The following PITPNM2 variants were observed in gnomAD, a reference collection of about 807,000 sequenced individuals.
The protein encoded by PITPNM2 is phosphatidylinositol transfer protein membrane associated 2.
In PITPNM2, 35 loss-of-function variants were observed where a neutral mutation model predicts 132.2. The ratio of observed to expected loss-of-function variants is 0.26; its 90% CI spans 0.20 to 0.35. The LOEUF is 0.35. Among genes scored for constraint, PITPNM2 ranks in the 10% least tolerant of loss-of-function variants. PITPNM2 has a pLI of 1.00. For missense variants in PITPNM2, 1,332 were observed against 1,912.0 expected, an observed-to-expected ratio of 0.70 and a Z score of 5.66; for synonymous variants, 738 against 799.2, an observed-to-expected ratio of 0.92 and a Z score of 1.29.
chr12:123,098,535 C>G (rs2042469048), intron 2 of PITPNM2, among the ~76,000 whole-genome samples: 1 of 152,134 alleles, frequency 6.6e-6, no homozygotes, highest in Non-Finnish European at 1.5e-5. Context: ...GACTCTGTCT[C>G]TACAAAAAGA....
At chr12:123,085,065 GC>G (rs2042075077) in intron 2 of PITPNM2, among the ~76,000 whole-genome samples, 2 of 152,218 alleles carry the variant, frequency 1.3e-5, no homozygotes, top group Non-Finnish European at 2.9e-5. Context: ...GATGTCAGGT[GC>G]CCAAGCACAG....
rs2038848918 is a variant in PITPNM2 at position 123,004,688 on chromosome 12, G to A, written c.953-199C>T. On this transcript the variant is annotated intron_variant, in intron 7 of 25. Coordinates refer to ENST00000320201, the MANE Select transcript of PITPNM2 (RefSeq NM_020845.3). This position sits in a 1 kb window ranked among gnomAD's most constrained non-coding sequence, Gnocchi z 4.9. ...GCCTAGGCTCATCTCCTGTCCGCCT[G>A]GCACAAGGCAGTCATGTCCCGGGGA... 1.6e-6 allele frequency: 1 copy of A among 618,536 alleles called. No homozygotes were observed. The highest frequency in any genetic ancestry group is 2.9e-6 in the Non-Finnish European group (1 of 342,470). The allele number at this position is 618,536 out of a possible 1,614,324, so 38.3% of individuals were successfully genotyped here. A position where few individuals can be genotyped will look rare whatever the true frequency, so the allele number is the denominator to read the frequency against.
At position 122,994,268 on chromosome 12, in the gene PITPNM2, C is replaced by T. The variant is rs1192685686; in HGVS notation, c.2233+533G>A. The stretch of plus-strand genomic sequence containing the variant: ...TCTGGGAGTGTAACATGTGTTGCTA[C>T]TCTCAGGATTGTGTGGCTCCTGGAG... On this transcript the variant is annotated intron_variant, in intron 15 of 25. Transcript: ENST00000320201. This position sits in a 1 kb window ranked among gnomAD's most constrained non-coding sequence, Gnocchi z 5.4. 1.3e-5 allele frequency among the ~76,000 whole-genome samples: 2 copies of T among 152,244 alleles called. No homozygotes were observed. The highest frequency in any genetic ancestry group is 2.1e-4 in the South Asian group (1 of 4,834).
chr12:123,103,896 TTTTATTTA>T (rs113942958), intron 2 of PITPNM2, among the ~76,000 whole-genome samples: 3 of 149,928 alleles, frequency 2.0e-5, no homozygotes, highest in Non-Finnish European at 2.9e-5. Flanking sequence ...TATTTTGTTA[TTTTATTTA>T]TTTATTTATT....
At position 123,095,897 on chromosome 12, in the gene PITPNM2, C is replaced by A. The variant is rs961827378; in HGVS notation, c.-96+14488G>T. On this transcript the variant is annotated intron_variant, in intron 2 of 25. Transcript: ENST00000320201. The surrounding 1 kb of genome is among the most constrained non-coding windows in gnomAD (Gnocchi z 5.0). Reference sequence around the variant, plus strand: ...TGGGCTCCACGCCCCAGTGGCAGACCCCCCCAACCCCACTTCCACAAGGCT... The same window carrying A: ...TGGGCTCCACGCCCCAGTGGCAGACACCCCCAACCCCACTTCCACAAGGCT... Among the ~76,000 whole-genome samples, 3 of 152,220 alleles carry A rather than the reference C, an allele frequency of 2.0e-5. No individual in the cohort carries two copies. The highest frequency in any genetic ancestry group is 1.9e-4 in the East Asian group (1 of 5,190).
intron 2 of PITPNM2, among the ~76,000 whole-genome samples, chr12:123,094,427 C>T (rs1003289128): frequency 6.6e-6 from 1 of 152,230 alleles, no homozygotes; most frequent in African/African-American, 2.4e-5. Context: ...CCAGCCAAGG[C>T]CTGTGATCCT....
intron 3 of PITPNM2, among the ~76,000 whole-genome samples, chr12:123,017,799 A>G (rs972858384): frequency 1.3e-5 from 2 of 152,328 alleles, no homozygotes; most frequent in South Asian, 2.1e-4. Flanking sequence ...ATTTACATGG[A>G]AAGTACAGAA....
chr12:123,005,598 C>T lies in PITPNM2; in HGVS notation c.644-50G>A, dbSNP rs372290821. 7.7e-6 allele frequency: 12 copies of T among 1,565,460 alleles called. No individual in the cohort carries two copies. Among genetic ancestry groups the T allele is most frequent in the African/African-American group, 5.4e-5 (4 of 74,192 alleles). Reference sequence around the variant, plus strand: ...GGAGAGACGAGGGGAGGGAGGTCAGCGCAGGAGCCTGCACGGAAGTGTGGG... The same window carrying T: ...GGAGAGACGAGGGGAGGGAGGTCAGTGCAGGAGCCTGCACGGAAGTGTGGG... On this transcript the variant is annotated intron_variant, in intron 6 of 25. Transcript: ENST00000320201. This position sits in a 1 kb window ranked among gnomAD's most constrained non-coding sequence, Gnocchi z 6.2.
chr12:123,076,252 G>A (rs1222795120), intron 2 of PITPNM2, among the ~76,000 whole-genome samples: 1 of 152,214 alleles, frequency 6.6e-6, no homozygotes, highest in Non-Finnish European at 1.5e-5. Flanking sequence ...CCCCAAAGCA[G>A]AGGAAGAAAC....
At chr12:123,067,453 T>TCTCA (rs1182237263) in intron 2 of PITPNM2, among the ~76,000 whole-genome samples, 4 of 136,664 alleles carry the variant, frequency 2.9e-5, no homozygotes, top group African/African-American at 1.1e-4. Flanking sequence ...TGAAACTCCA[T>TCTCA]CACACACACA....
intron 1 of PITPNM2, among the ~76,000 whole-genome samples, chr12:123,139,832 C>A (rs1321862438): frequency 2.0e-5 from 3 of 152,208 alleles, no homozygotes; most frequent in African/African-American, 7.2e-5. Flanking sequence ...CTGTCCATCC[C>A]AGAGGCCAAG....
At chr12:123,034,831 G>T in intron 2 of PITPNM2, 146 bp from the exon 3 acceptor site, 1 of 493,386 alleles carries the variant, frequency 2.0e-6, no homozygotes, top group Non-Finnish European at 3.6e-6. Context: ...CTTTGAGCAG[G>T]TTCTCTCCTT....
At chr12:123,063,271 G>C (rs1028100296) in intron 2 of PITPNM2, among the ~76,000 whole-genome samples, 4 of 152,238 alleles carry the variant, frequency 2.6e-5, no homozygotes, top group African/African-American at 9.6e-5. Flanking sequence ...GGCAGACCTG[G>C]CTCTGGTACC....
chr12:123,021,977 G>A (rs1391706328), intron 3 of PITPNM2, among the ~76,000 whole-genome samples: 2 of 152,236 alleles, frequency 1.3e-5, no homozygotes, highest in African/African-American at 2.4e-5. Flanking sequence ...CATCATCCCA[G>A]GATGCCACGC....
rs2039095530 is a variant in PITPNM2, at chr12:123,009,628, G to GT, written c.643+221dup. Among the ~76,000 whole-genome samples, 1 of 152,234 alleles carries GT rather than the reference G, an allele frequency of 6.6e-6. No homozygotes were observed. The highest frequency in any genetic ancestry group is 1.5e-5 in the Non-Finnish European group (1 of 68,042). The stretch of plus-strand genomic sequence containing the variant: ...CTTCATCCAACAACACACACTGCTT[G>GT]TCTCTGCAGATGCTCAGTAAGTATT... On this transcript the variant is annotated intron_variant, in intron 6 of 25. Coordinates refer to ENST00000320201, the MANE Select transcript of PITPNM2 (RefSeq NM_020845.3). The surrounding 1 kb of genome is among the most constrained non-coding windows in gnomAD (Gnocchi z 4.8).
chr12:123,008,524 G>A lies in PITPNM2; in HGVS notation c.643+1326C>T, dbSNP rs2039037819. ...AAGTGAGAACCACCATTCCCATTTT[G>A]AGGCTTCAGCACTGGGGTTGCAGGT... On this transcript the variant is annotated intron_variant, in intron 6 of 25. Transcript: ENST00000320201. The surrounding 1 kb of genome is among the most constrained non-coding windows in gnomAD (Gnocchi z 4.1). 2.0e-5 allele frequency among the ~76,000 whole-genome samples: 3 copies of A among 152,174 alleles called. No homozygotes were observed. Among genetic ancestry groups the A allele is most frequent in the Admixed American group, 2.0e-4 (3 of 15,268 alleles).
chr12:123,012,499 G>T, intron 5 of PITPNM2, 114 bp downstream of exon 5: 1 of 1,392,874 alleles, frequency 7.2e-7, no homozygotes, highest in Non-Finnish European at 9.9e-7. Flanking sequence ...TGCCTGCCCA[G>T]GACAGGGCCA....
intron 1 of PITPNM2, among the ~76,000 whole-genome samples, chr12:123,130,825 C>A (rs1234489770): frequency 2.0e-5 from 3 of 152,128 alleles, no homozygotes; most frequent in African/African-American, 7.2e-5. Flanking sequence ...AAGGTGAGAA[C>A]AGCCTTCCCT....
chr12:123,050,664 C>T (rs1045094123), intron 2 of PITPNM2, among the ~76,000 whole-genome samples: 2 of 152,252 alleles, frequency 1.3e-5, no homozygotes, highest in Non-Finnish European at 2.9e-5. Flanking sequence ...GTCTGTACAA[C>T]TTCACCCAGG....
Sources: gnomAD v4.1 joint callset for allele counts (sites outside exome capture counted in the v4.1 genomes callset) on GRCh38, gnomAD v4.1.1 for gene constraint, Gnocchi (gnomAD v3.1) non-coding constraint, MANE v1.5 for transcripts, NCBI Gene and HGNC (gene_info 2026-07-23, HGNC 2026-07-21) for gene names.